The following NTRK3 variants were observed in gnomAD, a reference collection of about 807,000 sequenced individuals.
NTRK3 encodes neurotrophic receptor tyrosine kinase 3.
NTRK3 carries 24 observed loss-of-function variants against 91.7 expected under a neutral mutation model. The ratio of observed to expected loss-of-function variants is 0.26; its 90% CI spans 0.19 to 0.37. The LOEUF is 0.37. NTRK3 is among the 10% of genes least tolerant of loss of function. NTRK3 has a pLI of 1.00. For synonymous variants in NTRK3, 483 were observed against 404.0 expected, an observed-to-expected ratio of 1.20 and a Z score of -2.34; for missense variants, 880 against 1,068.9, an observed-to-expected ratio of 0.82 and a Z score of 2.46.
chr15:87,922,048 T>C (rs996295353), intron 17 of NTRK3, among the ~76,000 whole-genome samples: 9 of 152,322 alleles, frequency 5.9e-5, no homozygotes, highest in Non-Finnish European at 7.4e-5. Flanking sequence ...TAAATGAGAT[T>C]CCCAAAGTTC....
chr15:88,219,034 T>G (rs1201186290), intron 3 of NTRK3, among the ~76,000 whole-genome samples: 1 of 152,090 alleles, frequency 6.6e-6, no homozygotes, highest in Non-Finnish European at 1.5e-5. Context: ...CTAGCAACAA[T>G]GACAGGAGAC....
chr15:88,159,683 C>G (rs1444250634), intron 5 of NTRK3, among the ~76,000 whole-genome samples: 1 of 152,108 alleles, frequency 6.6e-6, no homozygotes, highest in African/African-American at 2.4e-5. Context: ...GATGCCCTGT[C>G]AGGGAGCCGA....
At chr15:88,115,032 G>A (rs926367763) in intron 13 of NTRK3, among the ~76,000 whole-genome samples, 2 of 152,156 alleles carry the variant, frequency 1.3e-5, no homozygotes, top group African/African-American at 2.4e-5. Context: ...ATAGCCATTT[G>A]TGAGTATTAC....
At chr15:88,127,533 A>C (rs1480630775) in intron 11 of NTRK3, among the ~76,000 whole-genome samples, 1 of 152,200 alleles carries the variant, frequency 6.6e-6, no homozygotes, top group African/African-American at 2.4e-5. Flanking sequence ...AACTTGGGCC[A>C]TGAGCTATAG....
At chr15:87,896,955 G>A (rs1293624590) in intron 17 of NTRK3, among the ~76,000 whole-genome samples, 3 of 152,112 alleles carry the variant, frequency 2.0e-5, no homozygotes, top group East Asian at 1.9e-4. Flanking sequence ...TTCTTTGGAG[G>A]GAAAATGCAG....
chr15:87,931,403 A>T (rs1378579189), intron 16 of NTRK3, among the ~76,000 whole-genome samples: 2 of 152,232 alleles, frequency 1.3e-5, no homozygotes, highest in Non-Finnish European at 2.9e-5. Flanking sequence ...AATAACTTCA[A>T]TAGCAGCTAC....
intron 13 of NTRK3, among the ~76,000 whole-genome samples, chr15:88,073,782 C>G (rs1459670318): frequency 6.6e-6 from 1 of 151,976 alleles, no homozygotes; most frequent in African/African-American, 2.4e-5. Flanking sequence ...GCAACACCCC[C>G]CCGCCCCACC....
chr15:88,018,153 T>C (rs1373234049), intron 14 of NTRK3, among the ~76,000 whole-genome samples: 1 of 152,222 alleles, frequency 6.6e-6, no homozygotes, highest in Non-Finnish European at 1.5e-5. Flanking sequence ...TCACCACCAA[T>C]GCCCATCTCT....
chr15:87,942,621 C>T (rs1001648717), intron 14 of NTRK3, among the ~76,000 whole-genome samples: 2 of 152,112 alleles, frequency 1.3e-5, no homozygotes, highest in African/African-American at 2.4e-5. Flanking sequence ...TCTCTGAACA[C>T]GCCGGGATTG....
chr15:87,901,743 A>G (rs780693467), intron 17 of NTRK3, among the ~76,000 whole-genome samples: 4 of 149,664 alleles, frequency 2.7e-5, no homozygotes, highest in Non-Finnish European at 5.9e-5. Context: ...GAAAGGAAGA[A>G]AGGAAGGAGG....
chr15:88,194,915 G>A (rs1260857119), intron 3 of NTRK3, among the ~76,000 whole-genome samples: 4 of 152,166 alleles, frequency 2.6e-5, no homozygotes, highest in African/African-American at 7.2e-5. Flanking sequence ...CAAGACAGCA[G>A]CTTCAGGATT....
At chr15:87,969,775 T>C (rs185697222) in intron 14 of NTRK3, among the ~76,000 whole-genome samples, 1 of 152,300 alleles carries the variant, frequency 6.6e-6, no homozygotes, top group African/African-American at 2.4e-5. Flanking sequence ...GACTATTTGT[T>C]AGGCAGAGCT....
chr15:88,216,921 C>T (rs2049824795), intron 3 of NTRK3, among the ~76,000 whole-genome samples: 1 of 152,050 alleles, frequency 6.6e-6, no homozygotes, highest in Non-Finnish European at 1.5e-5. Flanking sequence ...TGGTGGTGAC[C>T]CCAAAGTACC....
chr15:88,157,015 G>T (rs1170036099), intron 5 of NTRK3, among the ~76,000 whole-genome samples: 2 of 151,946 alleles, frequency 1.3e-5, no homozygotes, highest in East Asian at 3.9e-4. Flanking sequence ...GCAGAAAAAG[G>T]CCTAGGGACA....
At chr15:88,196,348 C>G (rs1467803634) in intron 3 of NTRK3, among the ~76,000 whole-genome samples, 1 of 152,114 alleles carries the variant, frequency 6.6e-6, no homozygotes, top group East Asian at 1.9e-4. Context: ...GCACAGCAAG[C>G]CGGGATGCGA....
At chr15:88,038,911 C>A (rs1274762897) in intron 13 of NTRK3, among the ~76,000 whole-genome samples, 1 of 152,082 alleles carries the variant, frequency 6.6e-6, no homozygotes, top group African/African-American at 2.4e-5. Flanking sequence ...GACCTGTAGC[C>A]CCTCTAGGGG....
chr15:87,988,284 G>A (rs1470353110), intron 14 of NTRK3, among the ~76,000 whole-genome samples: 1 of 152,218 alleles, frequency 6.6e-6, no homozygotes, highest in Non-Finnish European at 1.5e-5. Flanking sequence ...CAAGGACAAG[G>A]AAAGTCTAAG....
chr15:87,885,579 T>A lies in NTRK3; in HGVS notation c.2134-5151A>T, dbSNP rs948690400. ...TTTATTAATGGAACAAACTAGAGAGTCCAGAGGCAGACCCATGTATAAATA... is the reference window on the plus strand; with the variant it reads ...TTTATTAATGGAACAAACTAGAGAGACCAGAGGCAGACCCATGTATAAATA... On this transcript the variant is annotated intron_variant, in intron 17 of 18. Transcript: ENST00000394480. 8 of 550,944 alleles carry A rather than the reference T, an allele frequency of 1.5e-5. No homozygotes were observed. In the African/African-American group the frequency reaches 1.6e-4, roughly 11 times the overall value. 34.1% of individuals were successfully genotyped at this position (550,944 alleles called of 1,614,324 possible).
chr15:87,870,331 G>A (rs1247499965), exon 19 of NTRK3: 1 of 193,764 alleles, frequency 5.2e-6, no homozygotes, highest in African/African-American at 2.3e-5. Flanking sequence ...AGCAATTCAG[G>A]AATAGAAAAC....
Sources: gnomAD v4.1 joint callset for allele counts (sites outside exome capture counted in the v4.1 genomes callset) on GRCh38, gnomAD v4.1.1 for gene constraint, MANE v1.5 for transcripts, NCBI Gene and HGNC (gene_info 2026-07-23, HGNC 2026-07-21) for gene names.